Variants in METTL22 observed in about 807,000 individuals in gnomAD.
METTL22 encodes methyltransferase-like protein 22.
In METTL22, 51 loss-of-function variants were observed where a neutral mutation model predicts 48.4. That is an observed-to-expected ratio of 1.05 (90% CI 0.84 to 1.33). METTL22 has a LOEUF of 1.33. Among genes scored for constraint, METTL22 ranks in the 40% most tolerant of loss-of-function variants. METTL22 has a pLI of 0.00. For missense variants in METTL22, 678 were observed against 526.9 expected, an observed-to-expected ratio of 1.29 and a Z score of -2.81; for synonymous variants, 255 against 214.1, an observed-to-expected ratio of 1.19 and a Z score of -1.67.
At chr16:8,657,419 G>A in the METTL22 span, among the ~76,000 whole-genome samples, 1 of 152,188 alleles carries the variant, frequency 6.6e-6, no homozygotes, top group Non-Finnish European at 1.5e-5. Context: ...TCACAAAGAT[G>A]GTGATCTTGG....
chr16:8,663,225 A>AAAAAAAT, the METTL22 span, among the ~76,000 whole-genome samples: 4 of 123,464 alleles, frequency 3.2e-5, no homozygotes, highest in African/African-American at 3.1e-5. Flanking sequence ...AAAAAAAAAA[A>AAAAAAAT]GGTAGCCAAG....
downstream of METTL22, among the ~76,000 whole-genome samples, chr16:8,651,085 T>C (rs906889103): frequency 2.0e-5 from 3 of 151,598 alleles, no homozygotes; most frequent in Non-Finnish European, 4.4e-5. Flanking sequence ...CACAGAATTA[T>C]TGTAAAGATC....
At chr16:8,651,478 A>T (rs533445586), downstream of METTL22, among the ~76,000 whole-genome samples, 2 of 151,350 alleles carry the variant, frequency 1.3e-5, no homozygotes, top group African/African-American at 4.9e-5. Flanking sequence ...TTGCAGACTT[A>T]GTCCTAAGGT....
At chr16:8,634,300 T>G (rs2056357654) in intron 3 of METTL22, among the ~76,000 whole-genome samples, 1 of 152,176 alleles carries the variant, frequency 6.6e-6, no homozygotes, top group African/African-American at 2.4e-5. Flanking sequence ...GCTGTTACCA[T>G]CTCACTTAAA....
chr16:8,656,905 G>A, the METTL22 span, among the ~76,000 whole-genome samples: 8 of 152,362 alleles, frequency 5.3e-5, no homozygotes, highest in East Asian at 1.5e-3. Flanking sequence ...ACAGTAAAGA[G>A]AGGATGAGAA....
At chr16:8,629,947 C>A (rs1444310892) in intron 3 of METTL22, among the ~76,000 whole-genome samples, 1 of 152,138 alleles carries the variant, frequency 6.6e-6, no homozygotes, top group Non-Finnish European at 1.5e-5. Flanking sequence ...GGCCTAGCGC[C>A]ATGCTGCTTG....
the METTL22 span, chr16:8,667,015 C>T: frequency 2.0e-5 from 3 of 151,830 alleles, no homozygotes; most frequent in Non-Finnish European, 4.4e-5. Flanking sequence ...AGGCTGGTCT[C>T]GAACTCCTGA....
intron 10 of METTL22, among the ~76,000 whole-genome samples, chr16:8,645,416 G>A (rs1641069): frequency 0.99 from 150,340 of 152,242 alleles, 74,266 homozygotes; most frequent in Middle Eastern, 1. Flanking sequence ...AGCATTAAGA[G>A]TAGCGTCACA....
At position 8,646,264 on chromosome 16, in the gene METTL22, A is replaced by G. The variant is rs1268354084; in HGVS notation, c.*121A>G. 8.1e-7 allele frequency: 1 copy of G among 1,230,364 alleles called. No individual in the cohort carries two copies. Among genetic ancestry groups the G allele is most frequent in the Non-Finnish European group, 1.2e-6 (1 of 852,810 alleles). 76.2% of individuals were successfully genotyped at this position (1,230,364 alleles called of 1,614,324 possible). A position where few individuals can be genotyped will look rare whatever the true frequency, so the allele number is the denominator to read the frequency against. ...TCATTTTAAAAATATGGTTACACGT[A>G]CCTTAGATGACCCAAGATGGTTTTC... On this transcript the variant is annotated 3_prime_UTR_variant, in exon 11 of 11. Transcript: ENST00000381920.
intron 6 of METTL22, among the ~76,000 whole-genome samples, chr16:8,639,890 C>CG (rs2056543292): frequency 6.6e-6 from 1 of 152,030 alleles, no homozygotes; most frequent in Non-Finnish European, 1.5e-5. Flanking sequence ...CAGCGCCCCC[C>CG]ACCACCAACA....
At chr16:8,638,119 T>C (rs374594618) in intron 5 of METTL22, among the ~76,000 whole-genome samples, 1 of 168 alleles carries the variant, frequency 6.0e-3, no homozygotes, top group Non-Finnish European at 0.024. Context: ...TGTACTTCAG[T>C]TGGTCAACAA....
In METTL22 at chr16:8,646,957, G is replaced by C. The variant is rs551543318; in HGVS notation, c.*814G>C. ...TTCCTGTCATCCTCTATGTCCCACT[G>C]TCTCTCTCCTTCTCTCCAGTTTTGG... On this transcript the variant is annotated 3_prime_UTR_variant, in exon 11 of 11. Coordinates refer to ENST00000381920, the MANE Select transcript of METTL22 (RefSeq NM_024109.4). 81 of 339,424 alleles carry C rather than the reference G, an allele frequency of 2.4e-4. No individual in the cohort carries two copies. The highest frequency in any genetic ancestry group is 1.6e-3 in the African/African-American group (75 of 46,592). The allele number at this position is 339,424 out of a possible 1,614,324, so 21.0% of individuals were successfully genotyped here.
the METTL22 span, among the ~76,000 whole-genome samples, chr16:8,664,101 T>A: frequency 6.6e-6 from 1 of 151,962 alleles, no homozygotes. Flanking sequence ...TTTTTTTTTT[T>A]TTTTTAGATG....
intron 3 of METTL22, 127 bp from the exon 4 acceptor site, chr16:8,634,912 G>A: frequency 8.4e-7 from 1 of 1,192,020 alleles, no homozygotes; most frequent in Non-Finnish European, 1.2e-6. Flanking sequence ...CTGCTCTCTA[G>A]AACGCCTCAT....
chr16:8,659,381 T>C, the METTL22 span, among the ~76,000 whole-genome samples: 9 of 150,118 alleles, frequency 6.0e-5, 1 homozygote, highest in South Asian at 1.9e-3. Flanking sequence ...CTTCACCAGA[T>C]CATGAGTCCT....
At chr16:8,631,223 T>G (rs34620893) in intron 3 of METTL22, 2 of 152,106 alleles carry the variant, frequency 1.3e-5, no homozygotes, top group Non-Finnish European at 2.9e-5. Flanking sequence ...AAAAGAAAAA[T>G]AGGTGTTTTC....
chr16:8,642,509 C>G lies in METTL22; in HGVS notation c.954C>G (p.Ser318=). 6.2e-7 allele frequency: 1 copy of G among 1,614,216 alleles called. No individual in the cohort carries two copies. The part of the protein sequence containing the change: ...DLTDAVFKTL[S]RLAHRLKNAC... ...CTGATGCTGTGTTTAAAACGCTCTC[C>G]CGACTCGCCCACAGATTGAAAAATG... is the stretch of plus-strand genomic sequence containing the variant. Residue 318 remains serine (S), a synonymous_variant, in exon 9 of 11, where the codon TCC becomes TCG. Transcript: ENST00000381920.
the METTL22 span, among the ~76,000 whole-genome samples, chr16:8,656,647 G>A: frequency 2.0e-5 from 3 of 152,270 alleles, no homozygotes; most frequent in Non-Finnish European, 2.9e-5. Context: ...TCTGCAGTGA[G>A]TGATGTTCCA....
intron 10 of METTL22, 106 bp from the exon 11 acceptor site, chr16:8,646,002 G>C: frequency 1.3e-6 from 2 of 1,544,538 alleles, no homozygotes; most frequent in Non-Finnish European, 8.7e-7. Flanking sequence ...CTCCGTGGCT[G>C]ACGTGTTGTC....
Sources: allele counts gnomAD v4.1 joint callset (sites outside exome capture counted in the v4.1 genomes callset), GRCh38; gene constraint gnomAD v4.1.1; transcripts MANE v1.5; gene names NCBI Gene and HGNC (gene_info 2026-07-23, HGNC 2026-07-21).